The following TMEM44 variants were observed in gnomAD, a reference collection of about 807,000 sequenced individuals.
TMEM44 encodes transmembrane protein 44.
In TMEM44, 43 loss-of-function variants were observed where a neutral mutation model predicts 47.8. That is an observed-to-expected ratio of 0.90 (90% CI 0.70 to 1.16). TMEM44 has a LOEUF of 1.16. Among genes scored for constraint, TMEM44 ranks in the 50% most tolerant of loss-of-function variants. TMEM44 has a pLI of 0.00. For missense variants in TMEM44, 568 were observed against 555.2 expected (o/e 1.02, Z -0.23); for synonymous variants, 277 against 238.8 (o/e 1.16, Z -1.48).
intron 9 of TMEM44, chr3:194,589,749 A>C (rs947464740): frequency 6.6e-6 from 1 of 152,134 alleles, no homozygotes; most frequent in Non-Finnish European, 1.5e-5. Flanking sequence ...TTAGAGCCCA[A>C]GGGGATCCTT....
intron 9 of TMEM44, among the ~76,000 whole-genome samples, chr3:194,595,089 T>A (rs1407958874): frequency 1.3e-5 from 2 of 152,166 alleles, no homozygotes; most frequent in Non-Finnish European, 2.9e-5. Context: ...AAAACAAAGA[T>A]CTACCAAAAT....
chr3:194,611,023 T>C lies in TMEM44; in HGVS notation c.913-3A>G, dbSNP rs752161815. ...GTGAGAGGCACCCAATCCAAATTCT[T>C]GCAAGTAGAGGCAGGGAGACAGAAA... On this transcript the variant is annotated splice_region_variant and splice_polypyrimidine_tract_variant and intron_variant, in intron 7 of 9. Transcript: ENST00000347147. This position sits in a 1 kb window ranked among gnomAD's most constrained non-coding sequence, Gnocchi z 4.2. 6.2e-7 allele frequency: 1 copy of C among 1,613,202 alleles called. No individual in the cohort carries two copies. The highest frequency in any genetic ancestry group is 1.1e-5 in the South Asian group (1 of 90,928).
At chr3:194,622,895 C>T (rs1383706585) in intron 5 of TMEM44, 6 of 255,904 alleles carry the variant, frequency 2.3e-5, no homozygotes, top group Admixed American at 1.2e-4. Context: ...GCTGCCTGTC[C>T]GGTGTCAAAT....
At chr3:194,614,264 G>T (rs554639711) in intron 7 of TMEM44, among the ~76,000 whole-genome samples, 2 of 152,320 alleles carry the variant, frequency 1.3e-5, no homozygotes, top group South Asian at 4.1e-4. Context: ...ATCACAAGCC[G>T]ATTTCCAAAG....
chr3:194,594,153 A>ATCTATCTGTCTGTCTGTCTGTCTG (rs1553824445), intron 9 of TMEM44, among the ~76,000 whole-genome samples: 99 of 148,392 alleles, frequency 6.7e-4, no homozygotes, highest in Middle Eastern at 6.9e-3. Flanking sequence ...CTATCTATCT[A>ATCTATCTGTCTGTCTGTCTGTCTG]TCTATCTATC....
At chr3:194,594,115 T>TTTTCTTTC (rs765809581) in intron 9 of TMEM44, among the ~76,000 whole-genome samples, 5 of 64,576 alleles carry the variant, frequency 7.7e-5, no homozygotes, top group African/African-American at 1.9e-4. Context: ...CCTGGCCTAA[T>TTTTCTTTC]TTTCTATCTA....
chr3:194,594,032 G>A (rs944656920), intron 9 of TMEM44, among the ~76,000 whole-genome samples: 7 of 151,974 alleles, frequency 4.6e-5, no homozygotes, highest in African/African-American at 1.7e-4. Context: ...GGCTGGTCTT[G>A]AACTCCTGAG....
At chr3:194,613,450 T>C (rs1322565309) in intron 7 of TMEM44, among the ~76,000 whole-genome samples, 1 of 151,844 alleles carries the variant, frequency 6.6e-6, no homozygotes, top group African/African-American at 2.4e-5. Flanking sequence ...AGTGCTGGCA[T>C]TACAGGCATG....
chr3:194,617,785 A>AG lies in TMEM44; in HGVS notation c.613-517dup, dbSNP rs1210016384. On this transcript the variant is annotated intron_variant, in intron 5 of 9. Transcript: ENST00000347147. ...AGTGTCGGAGGTGGGGCCTGGTGGG[A>AG]GGTGGTTGGGTCATGGGGTGGATAT... 34 of 702,164 alleles carry AG rather than the reference A, an allele frequency of 4.8e-5. No homozygotes were observed. In the Admixed American group the frequency reaches 6.8e-4, roughly 14 times the overall value. 43.5% of individuals were successfully genotyped at this position (702,164 alleles called of 1,614,324 possible). A position where few individuals can be genotyped will look rare whatever the true frequency, so the allele number is the denominator to read the frequency against.
intron 9 of TMEM44, among the ~76,000 whole-genome samples, chr3:194,594,721 G>A (rs1713190589): frequency 6.6e-6 from 1 of 151,908 alleles, no homozygotes; most frequent in Non-Finnish European, 1.5e-5. Flanking sequence ...ATAAAGGAGG[G>A]TTGAAAAAGT....
At chr3:194,627,407 T>C (rs1039173898) in intron 2 of TMEM44, among the ~76,000 whole-genome samples, 11 of 149,980 alleles carry the variant, frequency 7.3e-5, no homozygotes, top group African/African-American at 2.7e-4. Flanking sequence ...CAGGTTTTCC[T>C]GGGGATATGT....
chr3:194,628,380 T>A lies in TMEM44; in HGVS notation c.264+3A>T, dbSNP rs768528399. 34 of 1,609,660 alleles carry A rather than the reference T, an allele frequency of 2.1e-5. No individual in the cohort carries two copies. In the South Asian group the frequency reaches 3.7e-4, roughly 17 times the overall value. On this transcript the variant is annotated splice_donor_region_variant and intron_variant, in intron 2 of 9. Coordinates refer to ENST00000347147, the MANE Select transcript of TMEM44 (RefSeq NM_001011655.3). ...GCCACTGTCAGCTGGAGGCCCAACA[T>A]ACCTGGATTGTGAGCTGTCTGGCCA...
rs886460312 is a variant in TMEM44 at position 194,593,979 on chromosome 3, A to T, written c.1177-5340T>A. ...GTGTGTACCACCATGCCTGGCTGACATTTATTTTATTTTTTTAGTGGAGAT... is the reference window on the plus strand; with the variant it reads ...GTGTGTACCACCATGCCTGGCTGACTTTTATTTTATTTTTTTAGTGGAGAT... On this transcript the variant is annotated intron_variant, in intron 9 of 9. Coordinates refer to ENST00000347147, the MANE Select transcript of TMEM44 (RefSeq NM_001011655.3). Among the ~76,000 whole-genome samples the T allele has an allele frequency of 3.3e-5, 5 of 151,632 alleles. No individual in the cohort carries two copies. The South Asian group carries it at 6.2e-4, about 19-fold the overall frequency.
chr3:194,592,224 CA>C (rs58909852), intron 9 of TMEM44, among the ~76,000 whole-genome samples: 77,871 of 129,814 alleles, frequency 0.6, 22,771 homozygotes, highest in East Asian at 0.69. Flanking sequence ...GACTCCGTCT[CA>C]AAAAAAAAAA....
At chr3:194,614,545 A>G (rs920303207) in intron 7 of TMEM44, among the ~76,000 whole-genome samples, 5 of 152,150 alleles carry the variant, frequency 3.3e-5, no homozygotes, top group Admixed American at 6.6e-5. Context: ...CTGGGACTAC[A>G]GGCACACACC....
At chr3:194,617,532 T>C in intron 5 of TMEM44, 1 of 610,080 alleles carries the variant, frequency 1.6e-6, no homozygotes, top group Non-Finnish European at 2.9e-6. Context: ...GCAACTCCCT[T>C]TTCTGGGCCC....
At chr3:194,622,266 G>A (rs1381255347) in intron 5 of TMEM44, among the ~76,000 whole-genome samples, 1 of 152,236 alleles carries the variant, frequency 6.6e-6, no homozygotes, top group East Asian at 1.9e-4. Flanking sequence ...GAGGTAACGT[G>A]ACGCCTCCCC....
Position 194,626,946 on chromosome 3 carries a change from C to T in TMEM44, c.265-956G>A, listed in dbSNP as rs1481695530. Among the ~76,000 whole-genome samples the T allele has an allele frequency of 5.4e-5, 7 of 130,008 alleles. No individual in the cohort carries two copies. In the East Asian group the frequency reaches 1.2e-3, roughly 21 times the overall value. 85.3% of individuals were successfully genotyped at this position (130,008 alleles called of 152,430 possible). A position where few individuals can be genotyped will look rare whatever the true frequency, so the allele number is the denominator to read the frequency against. ...CTACTGTATTTTTTTTTTTTTGAGA[C>T]GAAGTCTTGCTGTTGCCCAGGCTGG... is the stretch of plus-strand genomic sequence containing the variant. On this transcript the variant is annotated intron_variant, in intron 2 of 9. Coordinates refer to ENST00000347147, the MANE Select transcript of TMEM44 (RefSeq NM_001011655.3).
At chr3:194,618,456 A>AT (rs2108592896) in intron 5 of TMEM44, among the ~76,000 whole-genome samples, 1 of 149,420 alleles carries the variant, frequency 6.7e-6, no homozygotes, top group East Asian at 1.9e-4. Flanking sequence ...AACTCATTAG[A>AT]TGAGTTATAT....
Sources: gnomAD v4.1 joint callset for allele counts (sites outside exome capture counted in the v4.1 genomes callset) on GRCh38, gnomAD v4.1.1 for gene constraint, Gnocchi (gnomAD v3.1) non-coding constraint, MANE v1.5 for transcripts, NCBI Gene and HGNC (gene_info 2026-07-23, HGNC 2026-07-21) for gene names.